PSME3IP1: variants seen among roughly 807,000 people sequenced by gnomAD.
PSME3IP1 encodes the protein PSME3-interacting protein.
In PSME3IP1, 13 loss-of-function variants were observed where a neutral mutation model predicts 34.1. That is an observed-to-expected ratio of 0.38 (90% confidence interval 0.25 to 0.61). The LOEUF (loss-of-function observed/expected upper bound fraction) is 0.61, where lower values mean the gene tolerates loss of function less well. Ranked by LOEUF, PSME3IP1 falls within the 20% of genes least tolerant of loss-of-function variation. The pLI, the probability that PSME3IP1 is intolerant of heterozygous loss-of-function variation, is 0.60. For synonymous variants in PSME3IP1, 93 were observed against 114.3 expected, an observed-to-expected ratio of 0.81 and a Z score of 1.19; for missense variants, 237 against 301.4, an observed-to-expected ratio of 0.79 and a Z score of 1.58.
At chr16:57,172,989 A>G in intron 2 of PSME3IP1, 115 bp from the exon 3 acceptor site, 1 of 721,156 alleles carries the variant, frequency 1.4e-6, no homozygotes, top group Non-Finnish European at 2.5e-6. Context: ...AAGTCTCTGC[A>G]TGATCTGAGG....
chr16:57,185,160 G>T (rs2074054958), intron 1 of PSME3IP1, among the ~76,000 whole-genome samples: 1 of 152,152 alleles, frequency 6.6e-6, no homozygotes, highest in Non-Finnish European at 1.5e-5. Context: ...GGGAGTCTGA[G>T]AAACTGCATT....
intron 5 of PSME3IP1, among the ~76,000 whole-genome samples, chr16:57,165,863 T>C (rs1271976567): frequency 6.6e-6 from 1 of 151,582 alleles, no homozygotes; most frequent in Non-Finnish European, 1.5e-5. Flanking sequence ...AGGGAAACAG[T>C]TACAACACCC....
At chr16:57,168,317 A>T (rs2072143304) in intron 4 of PSME3IP1, among the ~76,000 whole-genome samples, 1 of 152,202 alleles carries the variant, frequency 6.6e-6, no homozygotes, top group South Asian at 2.1e-4. Context: ...ATTTTCCAGA[A>T]ATCCTAAGAT....
intron 1 of PSME3IP1, among the ~76,000 whole-genome samples, chr16:57,179,159 C>T (rs1453753139): frequency 1.3e-5 from 2 of 149,180 alleles, no homozygotes; most frequent in Non-Finnish European, 3.0e-5. Flanking sequence ...ATGCTGTCAG[C>T]TTTCCTTTAC....
At chr16:57,157,718 T>A (rs13339611) in intron 6 of PSME3IP1, among the ~76,000 whole-genome samples, 4 of 152,244 alleles carry the variant, frequency 2.6e-5, no homozygotes, top group Non-Finnish European at 5.9e-5. Flanking sequence ...AGGGCTGGGA[T>A]TACAGGCATG....
At chr16:57,155,525 T>A in intron 6 of PSME3IP1, among the ~76,000 whole-genome samples, 1 of 152,132 alleles carries the variant, frequency 6.6e-6, no homozygotes, top group Non-Finnish European at 1.5e-5. Flanking sequence ...TCCCACACTT[T>A]GGGAGGCCAA....
At chr16:57,172,130 C>T in intron 4 of PSME3IP1, 121 bp downstream of exon 4, 1 of 1,046,464 alleles carries the variant, frequency 9.6e-7, no homozygotes, top group Middle Eastern at 3.2e-4. Flanking sequence ...TATCAGTGTT[C>T]AAAGGGACTT....
At chr16:57,160,296 CAAA>C (rs202138648) in intron 6 of PSME3IP1, among the ~76,000 whole-genome samples, 7 of 79,096 alleles carry the variant, frequency 8.9e-5, no homozygotes, top group Non-Finnish European at 7.9e-5. Flanking sequence ...GACTCCGTCT[CAAA>C]AAAAAAAAAA....
chr16:57,183,197 C>T (rs1213722302), intron 1 of PSME3IP1, among the ~76,000 whole-genome samples: 1 of 152,120 alleles, frequency 6.6e-6, no homozygotes, highest in Non-Finnish European at 1.5e-5. Flanking sequence ...GAAGAATAAC[C>T]ATCTTTAACT....
chr16:57,179,554 C>T lies in PSME3IP1; in HGVS notation c.-15-5685G>A, dbSNP rs146834591. ...CTCCCCAAATAATTGCTATTCCTAA[C>T]TTGAAAAATGACTCCATTTAGCTAG... On this transcript the variant is annotated intron_variant, in intron 1 of 6. Coordinates refer to ENST00000309137, the MANE Select transcript of PSME3IP1 (RefSeq NM_024946.4). Among the ~76,000 whole-genome samples the T allele has an allele frequency of 2.0e-4, 31 of 152,298 alleles. No individual in the cohort carries two copies. In the East Asian group the frequency reaches 5.2e-3, roughly 26 times the overall value.
At chr16:57,185,472 G>A in intron 1 of PSME3IP1, 3 of 975,640 alleles carry the variant, frequency 3.1e-6, no homozygotes, top group Non-Finnish European at 3.7e-6. Flanking sequence ...GCACATCCGA[G>A]TGAGTAACCT....
rs1821974708 is a variant in PSME3IP1, at chr16:57,154,243, GTCCGATCTACCCT to G, written c.*34_*46del. On this transcript the variant is annotated 3_prime_UTR_variant, in exon 7 of 7. Transcript: ENST00000309137. The surrounding 1 kb of genome is among the most constrained non-coding windows in gnomAD (Gnocchi z 4.0). ...ATAATGCCTATAGGCAGCATGAACG[GTCCGATCTACCCT>G]TGGGGAGGAGCTCCCTGTGTAGGGA... The G allele has an allele frequency of 6.4e-7, 1 of 1,565,184 alleles. No individual in the cohort carries two copies. Among genetic ancestry groups the G allele is most frequent in the South Asian group, 1.1e-5 (1 of 89,728 alleles).
At chr16:57,158,502 C>T (rs539424043) in intron 6 of PSME3IP1, among the ~76,000 whole-genome samples, 2 of 152,124 alleles carry the variant, frequency 1.3e-5, no homozygotes, top group Non-Finnish European at 2.9e-5. Context: ...GCAGAAGAAT[C>T]GCTTGAGCCT....
chr16:57,178,672 C>A, intron 1 of PSME3IP1: 1 of 985,118 alleles, frequency 1.0e-6, no homozygotes, highest in Non-Finnish European at 1.2e-6. Context: ...ACAATTTGTG[C>A]AGTAAGAAAC....
chr16:57,172,386 TA>T lies in PSME3IP1; in HGVS notation c.227-15del, dbSNP rs778673049. The stretch of plus-strand genomic sequence containing the variant: ...TTACCATGTTTTCTGAGGAAATAAT[TA>T]AACAAGGCACACTTAGCAGGCTAAA... On this transcript the variant is annotated splice_polypyrimidine_tract_variant and intron_variant, in intron 3 of 6. Coordinates refer to ENST00000309137, the MANE Select transcript of PSME3IP1 (RefSeq NM_024946.4). 6.2e-7 allele frequency: 1 copy of T among 1,612,776 alleles called. No homozygotes were observed. Among genetic ancestry groups the T allele is most frequent in the Non-Finnish European group, 8.5e-7 (1 of 1,179,644 alleles).
At chr16:57,166,349 T>C (rs954410413) in intron 5 of PSME3IP1, among the ~76,000 whole-genome samples, 15 of 152,310 alleles carry the variant, frequency 9.8e-5, no homozygotes, top group Non-Finnish European at 8.8e-5. Flanking sequence ...AAAGAACTTA[T>C]CATAGCCTTG....
chr16:57,185,443 C>T, intron 1 of PSME3IP1: 2 of 913,768 alleles, frequency 2.2e-6, no homozygotes, highest in Non-Finnish European at 2.6e-6. Flanking sequence ...TGGGATTCAA[C>T]CATTTCCAAC....
chr16:57,165,661 A>G (rs541903121), intron 5 of PSME3IP1, among the ~76,000 whole-genome samples: 16 of 152,328 alleles, frequency 1.1e-4, no homozygotes, highest in Admixed American at 3.9e-4. Flanking sequence ...GCCTGCGAAT[A>G]TAAATTATTA....
Position 57,156,412 on chromosome 16 carries a change from T to C in PSME3IP1, c.548-1905A>G, listed in dbSNP as rs7196868. ...TGAAAAGAATACACAGTTCCAAGTA[T>C]AGGAAACCAGGAGTAAGCAAACAAT... On this transcript the variant is annotated intron_variant, in intron 6 of 6. Coordinates refer to ENST00000309137, the MANE Select transcript of PSME3IP1 (RefSeq NM_024946.4). 2.2e-3 allele frequency among the ~76,000 whole-genome samples: 330 copies of C among 152,256 alleles called. 2 individuals carry two copies. The highest frequency in any genetic ancestry group is 7.7e-3 in the African/African-American group (321 of 41,530).
Sources: allele counts gnomAD v4.1 joint callset (sites outside exome capture counted in the v4.1 genomes callset), GRCh38; gene constraint gnomAD v4.1.1; non-coding constraint Gnocchi (gnomAD v3.1); transcripts MANE v1.5; gene names NCBI Gene and HGNC (gene_info 2026-07-23, HGNC 2026-07-21).